SPMIP4: variants seen among roughly 807,000 people sequenced by gnomAD.
SPMIP4 encodes sperm-associated microtubule inner protein 4.
the SPMIP4 span, chr7:25,135,510 C>G: frequency 1.0e-6 from 1 of 985,378 alleles, no homozygotes; most frequent in East Asian, 1.1e-4. Flanking sequence ...TCTTTTCTAC[C>G]TAATGCTACT....
At chr7:25,172,031 G>A in the SPMIP4 span, among the ~76,000 whole-genome samples, 517 of 152,312 alleles carry the variant, frequency 3.4e-3, 2 homozygotes, top group African/African-American at 0.012. This position sits in a 1 kb window ranked among gnomAD's most constrained non-coding sequence, Gnocchi z 4.2. Flanking sequence ...ATGAGTAGGA[G>A]TTATCTAGAG....
chr7:25,153,541 G>A, the SPMIP4 span, among the ~76,000 whole-genome samples: 1 of 145,710 alleles, frequency 6.9e-6, no homozygotes, highest in Non-Finnish European at 1.5e-5. Flanking sequence ...CTAGGCCTGG[G>A]CAACAGAGCA....
chr7:25,169,449 AC>A, the SPMIP4 span, among the ~76,000 whole-genome samples: 2 of 152,118 alleles, frequency 1.3e-5, no homozygotes, highest in Non-Finnish European at 2.9e-5. Flanking sequence ...CCTATTCTGG[AC>A]ATTTCCTGTA....
At chr7:25,131,245 C>CTAGA in the SPMIP4 span, among the ~76,000 whole-genome samples, 10 of 152,208 alleles carry the variant, frequency 6.6e-5, no homozygotes, top group Admixed American at 6.5e-4. This position sits in a 1 kb window ranked among gnomAD's most constrained non-coding sequence, Gnocchi z 4.2. Flanking sequence ...ATGGGACCAT[C>CTAGA]TAGATGCAAG....
chr7:25,135,523 G>T, the SPMIP4 span: 1 of 984,658 alleles, frequency 1.0e-6, no homozygotes, highest in Non-Finnish European at 1.2e-6. Flanking sequence ...ATGCTACTAT[G>T]TACAAAAATT....
chr7:25,133,139 A>G, the SPMIP4 span, among the ~76,000 whole-genome samples: 6 of 152,138 alleles, frequency 3.9e-5, no homozygotes, highest in South Asian at 2.1e-4. Flanking sequence ...GGTTTAGAGG[A>G]GGTAGGAGGG....
At chr7:25,178,909 T>C in the SPMIP4 span, among the ~76,000 whole-genome samples, 95,781 of 151,900 alleles carry the variant, frequency 0.63, 31,015 homozygotes, top group African/African-American at 0.77. Context: ...GGCATGGTGG[T>C]GCATGCCTGT....
At chr7:25,152,042 A>G in the SPMIP4 span, among the ~76,000 whole-genome samples, 2 of 152,148 alleles carry the variant, frequency 1.3e-5, no homozygotes, top group Admixed American at 6.5e-5. Context: ...ACAGAGTGTG[A>G]ATGAGTCTTT....
At chr7:25,128,169 T>G in the SPMIP4 span, among the ~76,000 whole-genome samples, 1 of 152,242 alleles carries the variant, frequency 6.6e-6, no homozygotes, top group African/African-American at 2.4e-5. The surrounding 1 kb of genome is among the most constrained non-coding windows in gnomAD (Gnocchi z 4.5). Context: ...AACATAGCAC[T>G]GGGTCTGGTC....
At chr7:25,136,881 C>CT in the SPMIP4 span, 19 of 1,312,810 alleles carry the variant, frequency 1.4e-5, 1 homozygote, top group Non-Finnish European at 6.3e-6. The surrounding 1 kb of genome is among the most constrained non-coding windows in gnomAD (Gnocchi z 5.7). Context: ...TTTTCATTGT[C>CT]TGAGTACACG....
At chr7:25,160,228 TCAA>T in the SPMIP4 span, among the ~76,000 whole-genome samples, 16,691 of 152,162 alleles carry the variant, frequency 0.11, 1,084 homozygotes, top group East Asian at 0.27. Context: ...TTTTTACCTA[TCAA>T]CAACTAGTAC....
the SPMIP4 span, chr7:25,179,208 T>G: frequency 1.2e-6 from 2 of 1,612,504 alleles, no homozygotes; most frequent in Non-Finnish European, 1.7e-6. Context: ...AGTAACCGTC[T>G]GGAGGGGGTT....
At chr7:25,154,326 T>C in the SPMIP4 span, among the ~76,000 whole-genome samples, 6 of 152,234 alleles carry the variant, frequency 3.9e-5, no homozygotes, top group African/African-American at 1.4e-4. Context: ...TTGCCTACCA[T>C]GTATCATTTC....
chr7:25,135,854 C>T, the SPMIP4 span: 2 of 1,425,740 alleles, frequency 1.4e-6, no homozygotes, highest in East Asian at 2.5e-5. Context: ...ATGTAAACCT[C>T]ACTAACAAGG....
At chr7:25,165,593 C>G in the SPMIP4 span, among the ~76,000 whole-genome samples, 10 of 152,178 alleles carry the variant, frequency 6.6e-5, no homozygotes, top group Admixed American at 5.9e-4. Context: ...CATGATCTGC[C>G]CACCTTGGCC....
At chr7:25,129,427 A>G in the SPMIP4 span, among the ~76,000 whole-genome samples, 3 of 152,112 alleles carry the variant, frequency 2.0e-5, no homozygotes, top group Non-Finnish European at 2.9e-5. Flanking sequence ...CTGAGTTCCA[A>G]TGCAAGGCCC....
At chr7:25,152,748 C>CTT in the SPMIP4 span, among the ~76,000 whole-genome samples, 16,067 of 120,324 alleles carry the variant, frequency 0.13, 1,101 homozygotes, top group East Asian at 0.18. Flanking sequence ...CGTTGTCTCT[C>CTT]TTTTTTTTTT....
the SPMIP4 span, chr7:25,161,247 C>A: frequency 6.5e-7 from 1 of 1,537,480 alleles, no homozygotes; most frequent in East Asian, 2.3e-5. Context: ...TAAAATTGTT[C>A]AACAGGAAGC....
chr7:25,132,156 C>G, the SPMIP4 span, among the ~76,000 whole-genome samples: 1 of 152,224 alleles, frequency 6.6e-6, no homozygotes, highest in African/African-American at 2.4e-5. This position sits in a 1 kb window ranked among gnomAD's most constrained non-coding sequence, Gnocchi z 5.0. Flanking sequence ...GTCCCTCCCG[C>G]TGTGCTGTCA....
Sources: gnomAD v4.1 joint callset for allele counts (sites outside exome capture counted in the v4.1 genomes callset) on GRCh38, gnomAD v4.1.1 for gene constraint, Gnocchi (gnomAD v3.1) non-coding constraint, MANE v1.5 for transcripts, NCBI Gene and HGNC (gene_info 2026-07-23, HGNC 2026-07-21) for gene names.